The following PFKFB1 variants were observed in gnomAD, a reference collection of about 807,000 sequenced individuals.
PFKFB1 encodes 6-phosphofructo-2-kinase/fructose-2,6-bisphosphatase 1.
In PFKFB1, 34 loss-of-function variants were observed where a neutral mutation model predicts 46.4. That is an observed-to-expected ratio of 0.73 (90% CI 0.56 to 0.98). The LOEUF (loss-of-function observed/expected upper bound fraction) is 0.98. PFKFB1 is among the 50% of genes least tolerant of loss of function. The pLI, the probability that PFKFB1 is intolerant of heterozygous loss-of-function variation, is 0.00. For synonymous variants in PFKFB1, 119 were observed against 133.8 expected (o/e 0.89, Z 0.76); for missense variants, 393 against 376.3 (o/e 1.04, Z -0.37).
intron 7 of PFKFB1, 59 bp from the exon 8 acceptor site, chrX:54,952,171 C>G: frequency 1.0e-6 from 1 of 960,279 alleles, no homozygotes; most frequent in Non-Finnish European, 1.5e-6. Flanking sequence ...GTAGGGTTGA[C>G]CCCGAGAGAA....
chrX:54,946,425 T>C (rs1343037919), intron 9 of PFKFB1, among the ~76,000 whole-genome samples: 1 of 111,847 alleles, frequency 8.9e-6, no homozygotes, highest in African/African-American at 3.3e-5. Context: ...GTTGGGTTTC[T>C]AAGGTTTCCT....
chrX:54,958,265 C>T (rs772152992), intron 6 of PFKFB1, 41 bp downstream of exon 6: 1 of 946,439 alleles, frequency 1.1e-6, no homozygotes, highest in Non-Finnish European at 1.5e-6. Context: ...TGATCTAAGC[C>T]TAAGGCAGAG....
chrX:54,951,927 C>G lies in PFKFB1; in HGVS notation c.824G>C (p.Gly275Ala). 8.3e-7 allele frequency: 1 copy of G among 1,202,959 alleles called. No homozygotes were observed. Among genetic ancestry groups the G allele is most frequent in the Non-Finnish European group, 1.1e-6 (1 of 890,666 alleles). The change falls in exon 8 of 14, where the codon GGC becomes GCC. Residue 275 changes from glycine to alanine, a missense_variant. Coordinates refer to ENST00000375006, the MANE Select transcript of PFKFB1 (RefSeq NM_002625.4). ...TACCTGCTTGCCGCGAACTGAGAGG[C>G]CAGAGTCACCTCCGATGCGGCCTCT... ...NIRGRIGGDS[G>A]LSVRGKQYAY...
upstream of PFKFB1, chrX:54,994,473 C>T (rs982597159): frequency 1.7e-5 from 13 of 754,110 alleles, no homozygotes; most frequent in Non-Finnish European, 1.4e-5. Context: ...TAGGTCTCAG[C>T]GGCTTTCCCA....
chrX:54,941,019 G>A (rs1933607600), intron 10 of PFKFB1, among the ~76,000 whole-genome samples: 2 of 111,975 alleles, frequency 1.8e-5, no homozygotes, highest in African/African-American at 6.5e-5. Context: ...AACCAAAACA[G>A]CATGGTGCTG....
chrX:54,940,736 A>G (rs1248593810), intron 10 of PFKFB1, among the ~76,000 whole-genome samples: 1 of 111,532 alleles, frequency 9.0e-6, no homozygotes, highest in Non-Finnish European at 1.9e-5. Flanking sequence ...TCAATGAAAT[A>G]AAAGAGGATA....
In PFKFB1 at chrX:54,965,915, C is replaced by A. The variant is rs145579789; in HGVS notation, c.98-2533G>T. ...CTAAAAAAGTTTCTTTATAAGATATCTAAATAATAAATAAATACATGAGAC... is the reference window on the plus strand; with the variant it reads ...CTAAAAAAGTTTCTTTATAAGATATATAAATAATAAATAAATACATGAGAC... On this transcript the variant is annotated intron_variant, in intron 1 of 13. Transcript: ENST00000375006. 6.5e-3 allele frequency among the ~76,000 whole-genome samples: 708 copies of A among 108,262 alleles called. 7 individuals are homozygous for A. The highest frequency in any genetic ancestry group is 0.022 in the African/African-American group (649 of 29,769). 94.0% of individuals were successfully genotyped at this position (108,262 alleles called of 115,157 possible).
intron 1 of PFKFB1, among the ~76,000 whole-genome samples, chrX:54,990,967 CA>C (rs1370967077): frequency 9.0e-6 from 1 of 111,520 alleles, no homozygotes; most frequent in Non-Finnish European, 1.9e-5. Flanking sequence ...TGATATCTAC[CA>C]AAAAAACTAC....
At chrX:54,975,964 A>G (rs1416329552) in intron 1 of PFKFB1, among the ~76,000 whole-genome samples, 6 of 111,812 alleles carry the variant, frequency 5.4e-5, no homozygotes, top group African/African-American at 1.9e-4. Context: ...AGGTCTAAAT[A>G]TAAAATGTAA....
intron 1 of PFKFB1, among the ~76,000 whole-genome samples, chrX:54,987,473 T>C (rs1382485671): frequency 9.0e-6 from 1 of 111,193 alleles, no homozygotes; most frequent in Non-Finnish European, 1.9e-5. Flanking sequence ...GTTAGGCACA[T>C]ATATTAGAAG....
chrX:54,991,730 C>A (rs1935248507), intron 1 of PFKFB1, among the ~76,000 whole-genome samples: 1 of 110,673 alleles, frequency 9.0e-6, no homozygotes, highest in Non-Finnish European at 1.9e-5. Flanking sequence ...TCTTCATAAT[C>A]AAAAATTAGA....
intron 7 of PFKFB1, among the ~76,000 whole-genome samples, chrX:54,953,597 C>A (rs373292587): frequency 8.9e-6 from 1 of 111,739 alleles, no homozygotes; most frequent in East Asian, 2.8e-4. Flanking sequence ...CCTCTCCAAT[C>A]ATTTCTTCTA....
At chrX:54,940,483 T>G (rs983749291) in intron 10 of PFKFB1, among the ~76,000 whole-genome samples, 1 of 111,641 alleles carries the variant, frequency 9.0e-6, no homozygotes, top group African/African-American at 3.3e-5. Context: ...GATTGTATAT[T>G]TAGAAAACCC....
intron 1 of PFKFB1, among the ~76,000 whole-genome samples, chrX:54,969,090 A>G (rs1157169380): frequency 9.0e-6 from 1 of 111,567 alleles, no homozygotes; most frequent in Non-Finnish European, 1.9e-5. Context: ...AAAGCAATCC[A>G]TTCTAAAGAT....
chrX:54,934,828 T>A, intron 12 of PFKFB1, 119 bp downstream of exon 12: 85 of 445,335 alleles, frequency 1.9e-4, no homozygotes, highest in East Asian at 3.4e-4. Context: ...TAAGGGAACC[T>A]CCTGCAGGAC....
At chrX:54,998,654 A>G, upstream of PFKFB1, 1 of 401,184 alleles carries the variant, frequency 2.5e-6, no homozygotes, top group East Asian at 3.9e-5. Context: ...CTTCAGTCCA[A>G]CCATGTGTTC....
At chrX:54,978,320 G>A (rs1229839753) in intron 1 of PFKFB1, among the ~76,000 whole-genome samples, 1 of 110,980 alleles carries the variant, frequency 9.0e-6, no homozygotes, top group Non-Finnish European at 1.9e-5. Context: ...GAATAAATAA[G>A]TAGGGGAGAA....
At chrX:54,960,047 C>T (rs968267967) in intron 3 of PFKFB1, among the ~76,000 whole-genome samples, 154 bp from the exon 4 acceptor site, 1 of 112,668 alleles carries the variant, frequency 8.9e-6, no homozygotes, top group Non-Finnish European at 1.9e-5. Flanking sequence ...GCTTTAGGCA[C>T]CGTGCTAAGC....
chrX:54,979,417 T>C (rs1122799), intron 1 of PFKFB1, among the ~76,000 whole-genome samples: 5,439 of 111,417 alleles, frequency 0.049, 280 homozygotes, highest in African/African-American at 0.16. Context: ...AAGTTGTATA[T>C]GGTAGAATAT....
Sources: allele counts gnomAD v4.1 joint callset (sites outside exome capture counted in the v4.1 genomes callset), GRCh38; gene constraint gnomAD v4.1.1; transcripts MANE v1.5; gene names NCBI Gene and HGNC (gene_info 2026-07-23, HGNC 2026-07-21).